The following C19orf44 variants were observed in gnomAD, a reference collection of about 807,000 sequenced individuals.
C19orf44 encodes the protein chromosome 19 open reading frame 44.
In C19orf44, 43 loss-of-function variants were observed where a neutral mutation model predicts 50.7. The ratio of observed to expected loss-of-function variants is 0.85; its 90% CI spans 0.66 to 1.09. C19orf44 has a LOEUF of 1.09. Ranked by LOEUF, C19orf44 falls within the 50% of genes least tolerant of loss-of-function variation. C19orf44 has a pLI of 0.00. For missense variants in C19orf44, 722 were observed against 836.2 expected (o/e 0.86, Z 1.68); for synonymous variants, 298 against 334.7 (o/e 0.89, Z 1.20).
At position 16,501,543 on chromosome 19, in the gene C19orf44, CTA is replaced by C. The variant is rs745475290; in HGVS notation, c.753_754del (p.Ser253GlyfsTer53). The C allele has an allele frequency of 4.3e-6, 6 of 1,394,334 alleles. No individual in the cohort carries two copies. In the South Asian group the frequency reaches 1.1e-4, roughly 26 times the overall value. 86.4% of individuals were successfully genotyped at this position (1,394,334 alleles called of 1,614,324 possible). A position where few individuals can be genotyped will look rare whatever the true frequency, so the allele number is the denominator to read the frequency against. On this transcript the variant is annotated frameshift_variant, in exon 2 of 9. Coordinates refer to ENST00000221671, the MANE Select transcript of C19orf44 (RefSeq NM_032207.4). LOFTEE classifies it high-confidence loss of function. ...CGTCAGCGAGGAAGAAGAAAGAAAA[CTA>C]TTTTCGGTGAGATTTTTTTTTTTTG... ...ANVSEEEERK[L>X]FSVPSQLRAF... is the part of the protein sequence containing the mutation.
At position 16,521,002 on chromosome 19, in the gene C19orf44, T is replaced by C; in HGVS notation, c.*949T>C. ...TCATCAGGAGTTAATCCACAGAACCTTGGAGAGTACATGGCCCTGTGGCTG... is the reference window on the plus strand; with the variant it reads ...TCATCAGGAGTTAATCCACAGAACCCTGGAGAGTACATGGCCCTGTGGCTG... On this transcript the variant is annotated 3_prime_UTR_variant, in exon 9 of 9. Coordinates refer to ENST00000221671, the MANE Select transcript of C19orf44 (RefSeq NM_032207.4). 1 of 1,127,668 alleles carries C rather than the reference T, an allele frequency of 8.9e-7. No individual in the cohort carries two copies. Among genetic ancestry groups the C allele is most frequent in the Non-Finnish European group, 1.3e-6 (1 of 747,754 alleles). The allele number at this position is 1,127,668 out of a possible 1,614,324, so 69.9% of individuals were successfully genotyped here.
intron 1 of C19orf44, among the ~76,000 whole-genome samples, chr19:16,498,126 C>T (rs544008573): frequency 1.4e-4 from 22 of 152,192 alleles, no homozygotes; most frequent in Non-Finnish European, 2.5e-4. Context: ...AAAACTATTA[C>T]GAACATTTGC....
intron 5 of C19orf44, among the ~76,000 whole-genome samples, chr19:16,511,907 C>A (rs917623518): frequency 6.7e-6 from 1 of 149,182 alleles, no homozygotes; most frequent in Non-Finnish European, 1.5e-5. Flanking sequence ...CCTAGCTACT[C>A]GGGAGGCCGA....
Position 16,519,801 on chromosome 19 carries a change from T to G in C19orf44, c.*41-293T>G. On this transcript the variant is annotated intron_variant, in intron 8 of 8. Coordinates refer to ENST00000221671, the MANE Select transcript of C19orf44 (RefSeq NM_032207.4). The surrounding 1 kb of genome is among the most constrained non-coding windows in gnomAD (Gnocchi z 6.0). ...TGATGAGGACCTCACAGCCGCAGCT[T>G]GCGTGCATGCTCACTGTCACCAGGT... The G allele has an allele frequency of 8.7e-7, 1 of 1,143,874 alleles. No homozygotes were observed. The allele number at this position is 1,143,874 out of a possible 1,614,324, so 70.9% of individuals were successfully genotyped here.
At chr19:16,507,403 C>A (rs982692624) in intron 4 of C19orf44, among the ~76,000 whole-genome samples, 1 of 151,912 alleles carries the variant, frequency 6.6e-6, no homozygotes, top group Non-Finnish European at 1.5e-5. Flanking sequence ...GTCAGATACA[C>A]GTGTTGGTTA....
intron 8 of C19orf44, chr19:16,518,080 G>T (rs558718637): frequency 6.6e-6 from 1 of 152,034 alleles, no homozygotes; most frequent in African/African-American, 2.4e-5. Context: ...TTATTGAAAA[G>T]AATTTTTCAA....
In C19orf44 at chr19:16,514,587, GGCACCT is replaced by G. The variant is rs1568499940; in HGVS notation, c.1831_1836del (p.Leu611_His612del). ...ACGCAGCAGTTCATCCAGGCCAGCC[GGCACCT>G]GCACGCCTCCCTCCTGCGCTCCCTG... is the stretch of plus-strand genomic sequence containing the variant. On this transcript the variant is annotated inframe_deletion, in exon 7 of 9. Transcript: ENST00000221671. 2.5e-6 allele frequency: 4 copies of G among 1,607,880 alleles called. No individual in the cohort carries two copies. Among genetic ancestry groups the G allele is most frequent in the Non-Finnish European group, 3.4e-6 (4 of 1,178,206 alleles).
At position 16,506,796 on chromosome 19, in the gene C19orf44, T is replaced by G. The variant is rs376736186; in HGVS notation, c.1149+22T>G. The G allele has an allele frequency of 2.9e-5, 44 of 1,542,592 alleles. No homozygotes were observed. In the African/African-American group the frequency reaches 5.3e-4, roughly 18 times the overall value. ...GGAAGTAAGTACAACAAAGTCATTT[T>G]TCATGGTCGATTGTTTTTGGCTTCA... On this transcript the variant is annotated intron_variant, in intron 4 of 8. Coordinates refer to ENST00000221671, the MANE Select transcript of C19orf44 (RefSeq NM_032207.4).
intron 5 of C19orf44, among the ~76,000 whole-genome samples, chr19:16,511,906 T>G (rs1291115429): frequency 6.6e-6 from 1 of 150,908 alleles, no homozygotes; most frequent in African/African-American, 2.4e-5. Flanking sequence ...TCCTAGCTAC[T>G]CGGGAGGCCG....
At chr19:16,511,678 T>A (rs1165440481) in intron 5 of C19orf44, among the ~76,000 whole-genome samples, 1 of 151,984 alleles carries the variant, frequency 6.6e-6, no homozygotes, top group African/African-American at 2.4e-5. Flanking sequence ...CCTCCTGGGT[T>A]TCAGCGATTC....
rs745941669 is a variant in C19orf44 at position 16,517,796 on chromosome 19, C to T, written c.*40+455C>T. ...TGGGGACGCCATGTGAGCCCCTGGA[C>T]ACGGCCTCTGACCCCAGGCTGCACA... On this transcript the variant is annotated intron_variant, in intron 8 of 8. Coordinates refer to ENST00000221671, the MANE Select transcript of C19orf44 (RefSeq NM_032207.4). 133 of 161,280 alleles carry T rather than the reference C, an allele frequency of 8.2e-4. 1 individual carries two copies. The highest frequency in any genetic ancestry group is 1.3e-3 in the Non-Finnish European group (94 of 74,004). The allele number at this position is 161,280 out of a possible 1,614,324, so 10.0% of individuals were successfully genotyped here. A position where few individuals can be genotyped will look rare whatever the true frequency, so the allele number is the denominator to read the frequency against.
Position 16,509,222 on chromosome 19 carries a change from C to G in C19orf44, c.1150-277C>G, listed in dbSNP as rs551904985. Among the ~76,000 whole-genome samples the G allele has an allele frequency of 3.3e-5, 5 of 152,240 alleles. No individual in the cohort carries two copies. The South Asian group carries it at 6.2e-4, about 19-fold the overall frequency. On this transcript the variant is annotated intron_variant, in intron 4 of 8. Transcript: ENST00000221671. ...TCAAAGGATCCTACCGCCTCAACCA[C>G]CTAAAGTCCTTAAGTCCATGATGAA...
At position 16,519,550 on chromosome 19, in the gene C19orf44, A is replaced by G. The variant is rs939473293; in HGVS notation, c.*41-544A>G. On this transcript the variant is annotated intron_variant, in intron 8 of 8. Coordinates refer to ENST00000221671, the MANE Select transcript of C19orf44 (RefSeq NM_032207.4). This position sits in a 1 kb window ranked among gnomAD's most constrained non-coding sequence, Gnocchi z 6.0. Reference sequence around the variant, plus strand: ...ATCCCCACATGCACTGAGGAAGAGAAAGCGCTGGTGACTCCCGGGCCCAGC... The same window carrying G: ...ATCCCCACATGCACTGAGGAAGAGAGAGCGCTGGTGACTCCCGGGCCCAGC... 48 of 1,405,814 alleles carry G rather than the reference A, an allele frequency of 3.4e-5. No homozygotes were observed. In the South Asian group the frequency reaches 5.4e-4, roughly 16 times the overall value. 87.1% of individuals were successfully genotyped at this position (1,405,814 alleles called of 1,614,324 possible).
In C19orf44 at chr19:16,519,474, C is replaced by A. The variant is rs1388029094; in HGVS notation, c.*41-620C>A. ...AAATGGGTAGAGAGAACCCGCAGGC[C>A]GGCCCTGTCTAGAGGGTCTGGGTGG... is the stretch of plus-strand genomic sequence containing the variant. On this transcript the variant is annotated intron_variant, in intron 8 of 8. Coordinates refer to ENST00000221671, the MANE Select transcript of C19orf44 (RefSeq NM_032207.4). The surrounding 1 kb of genome is among the most constrained non-coding windows in gnomAD (Gnocchi z 6.0). The A allele has an allele frequency of 7.9e-7, 1 of 1,273,014 alleles. No homozygotes were observed. The allele number at this position is 1,273,014 out of a possible 1,614,324, so 78.9% of individuals were successfully genotyped here. A position where few individuals can be genotyped will look rare whatever the true frequency, so the allele number is the denominator to read the frequency against.
intron 1 of C19orf44, among the ~76,000 whole-genome samples, chr19:16,500,277 G>GTA (rs1256088971): frequency 6.6e-6 from 1 of 151,760 alleles, no homozygotes; most frequent in Non-Finnish European, 1.5e-5. Flanking sequence ...CTGGGGGCTT[G>GTA]TTAAATACAG....
chr19:16,519,967 C>A lies in C19orf44; in HGVS notation c.*41-127C>A, dbSNP rs1253510336. On this transcript the variant is annotated intron_variant, in intron 8 of 8. Transcript: ENST00000221671. The surrounding 1 kb of genome is among the most constrained non-coding windows in gnomAD (Gnocchi z 6.0). ...CCAGATGGTGGTTAGAAAGCAGACC[C>A]CAGTTACTGCCTCAGGCTTCGCCAA... The A allele has an allele frequency of 4.3e-6, 3 of 701,882 alleles. No homozygotes were observed. In the African/African-American group the frequency reaches 5.4e-5, roughly 13 times the overall value. The allele number at this position is 701,882 out of a possible 1,614,324, so 43.5% of individuals were successfully genotyped here. A position where few individuals can be genotyped will look rare whatever the true frequency, so the allele number is the denominator to read the frequency against.
chr19:16,514,570 G>C lies in C19orf44; in HGVS notation c.1809G>C (p.Gln603His). Reference sequence around the variant, plus strand: ...AGCAGCAGCTGAGCCTGACGCAGCAGTTCATCCAGGCCAGCCGGCACCTGC... The same window carrying C: ...AGCAGCAGCTGAGCCTGACGCAGCACTTCATCCAGGCCAGCCGGCACCTGC... ...VLKQQLSLTQ[Q>H]FIQASRHLHA... The change falls in exon 7 of 9, where the codon CAG (glutamine) becomes CAC (histidine). Residue 603 changes from glutamine to histidine, a missense_variant. By Grantham distance (24) the Gln-to-His change is conservative. Transcript: ENST00000221671. 6.2e-7 allele frequency: 1 copy of C among 1,610,862 alleles called. No homozygotes were observed. The highest frequency in any genetic ancestry group is 8.5e-7 in the Non-Finnish European group (1 of 1,179,334).
chr19:16,512,862 C>CAAAAA, intron 5 of C19orf44, 152 bp from the exon 6 acceptor site: 4 of 499,200 alleles, frequency 8.0e-6, no homozygotes, highest in Admixed American at 4.2e-5. Context: ...TGTCTCAAAC[C>CAAAAA]AAAAAAAAAA....
intron 1 of C19orf44, among the ~76,000 whole-genome samples, chr19:16,498,617 G>T (rs148834970): frequency 6.6e-6 from 1 of 151,508 alleles, no homozygotes; most frequent in Non-Finnish European, 1.5e-5. Context: ...CTTGTTACGT[G>T]TATTTTTGAT....
Sources: gnomAD v4.1 joint callset for allele counts (sites outside exome capture counted in the v4.1 genomes callset) on GRCh38, gnomAD v4.1.1 for gene constraint, Gnocchi (gnomAD v3.1) non-coding constraint, MANE v1.5 for transcripts, NCBI Gene and HGNC (gene_info 2026-07-23, HGNC 2026-07-21) for gene names.